The following ICE2 variants were observed in gnomAD, a reference collection of about 807,000 sequenced individuals.
ICE2 encodes little elongation complex subunit 2.
Under a neutral mutation model 105.4 loss-of-function variants are expected in ICE2, and 87 were observed. The observed-to-expected ratio is 0.83, with a 90% CI of 0.69 to 0.99. The LOEUF is 0.99. Ranked by LOEUF, ICE2 falls within the 50% of genes least tolerant of loss-of-function variation. ICE2 has a pLI of 0.00. For missense variants in ICE2, 1,323 were observed against 1,146.7 expected (o/e 1.15, Z -2.22); for synonymous variants, 399 against 392.0 (o/e 1.02, Z -0.21).
In ICE2 at chr15:60,422,593, T is replaced by G. The variant is rs1009084076; in HGVS notation, c.*1041A>C. The G allele has an allele frequency of 6.6e-6, 1 of 152,204 alleles. No homozygotes were observed. The highest frequency in any genetic ancestry group is 1.5e-5 in the Non-Finnish European group (1 of 68,176). 9.4% of individuals were successfully genotyped at this position (152,204 alleles called of 1,614,324 possible). A position where few individuals can be genotyped will look rare whatever the true frequency, so the allele number is the denominator to read the frequency against. On this transcript the variant is annotated 3_prime_UTR_variant, in exon 16 of 16. Transcript: ENST00000261520. ...GGCTTACCCCTGTAATCCCAGCACT[T>G]TGGGAGGCCAAGGCAGGCGGATCAC...
rs1303419963 is a variant in ICE2, at chr15:60,449,487, T to C, written c.1480A>G (p.Lys494Glu). Residue 494 changes from lysine to glutamate, a missense_variant, in exon 10 of 16, where the codon AAG becomes GAG. Lys to Glu is a moderately conservative substitution (Grantham distance 56, BLOSUM62 1). Coordinates refer to ENST00000261520, the MANE Select transcript of ICE2 (RefSeq NM_024611.6). ...AAAGGCTTGTCAGAATTTGATACCT[T>C]TTCACATGATTCAAATCCCTGATCA... Reference protein sequence around the residue: ...KDDQGFESCEKVSNSDKPLIQ... With the variant: ...KDDQGFESCEEVSNSDKPLIQ... 1 of 1,614,074 alleles carries C rather than the reference T, an allele frequency of 6.2e-7. No homozygotes were observed. The highest frequency in any genetic ancestry group is 8.5e-7 in the Non-Finnish European group (1 of 1,180,034).
chr15:60,464,494 C>T (rs2064367474), intron 5 of ICE2, among the ~76,000 whole-genome samples: 1 of 152,138 alleles, frequency 6.6e-6, no homozygotes, highest in Non-Finnish European at 1.5e-5. Context: ...GACATCTGAA[C>T]AGACAGAGAC....
At chr15:60,456,897 A>C (rs1325778830) in intron 5 of ICE2, 103 bp from the exon 6 acceptor site, 6 of 556,670 alleles carry the variant, frequency 1.1e-5, no homozygotes, top group African/African-American at 2.0e-5. Context: ...TGCAAAAATT[A>C]GCCCGATTTC....
chr15:60,468,710 T>C (rs2064498836), intron 3 of ICE2, among the ~76,000 whole-genome samples: 3 of 152,214 alleles, frequency 2.0e-5, no homozygotes, highest in Admixed American at 6.5e-5. Context: ...TCAGTTAATA[T>C]GGTGAATAAA....
At chr15:60,433,547 G>T (rs28550056) in intron 13 of ICE2, among the ~76,000 whole-genome samples, 2 of 151,318 alleles carry the variant, frequency 1.3e-5, no homozygotes, top group African/African-American at 4.9e-5. Flanking sequence ...GTTGAAGTGC[G>T]GTGGCACGAT....
intron 13 of ICE2, among the ~76,000 whole-genome samples, chr15:60,434,559 AC>A (rs1256702543): frequency 3.0e-5 from 4 of 134,440 alleles, no homozygotes; most frequent in African/African-American, 1.0e-4. Context: ...ACACACACAC[AC>A]ACACACAATG....
rs372693696 is a variant in ICE2, at chr15:60,449,733, T to C, written c.1234A>G (p.Lys412Glu). Residue 412 changes from lysine (K) to glutamate (E), a missense_variant, in exon 10 of 16, where the codon AAA becomes GAA. Coordinates refer to ENST00000261520, the MANE Select transcript of ICE2 (RefSeq NM_024611.6). The stretch of plus-strand genomic sequence containing the variant: ...GCTGGACTTGGTGATTTTGATACTT[T>C]GGTGGTGGTTACTCCAAAAGTTTCA... ...ELETFGVTTT[K>E]VSKSPSPAST... 3 of 1,614,192 alleles carry C rather than the reference T, an allele frequency of 1.9e-6. No homozygotes were observed. The highest frequency in any genetic ancestry group is 1.3e-5 in the African/African-American group (1 of 75,054).
intron 12 of ICE2, chr15:60,438,744 C>T (rs2063651983): frequency 6.6e-6 from 1 of 152,210 alleles, no homozygotes; most frequent in African/African-American, 2.4e-5. Context: ...ACAACTCTCT[C>T]AACATTGGAG....
intron 11 of ICE2, chr15:60,442,930 T>C (rs2063749781): frequency 6.4e-6 from 1 of 155,576 alleles, no homozygotes. Flanking sequence ...CTTTTTTATA[T>C]ACTAGTCATT....
Position 60,455,364 on chromosome 15 carries a change from T to C in ICE2, c.745A>G (p.Ile249Val). 2 of 1,613,996 alleles carry C rather than the reference T, an allele frequency of 1.2e-6. No individual in the cohort carries two copies. Among genetic ancestry groups the C allele is most frequent in the Non-Finnish European group, 1.7e-6 (2 of 1,179,908 alleles). ...TCAGCTGTTTGTTCTGACGTTTCAA[T>C]GGTAGCTATATCGTCCTTTGACAGC... ...LQLSKDDIAT[I>V]ETSEQTAEAM... The change falls in exon 7 of 16, where the codon ATT becomes GTT. Residue 249 changes from isoleucine (I) to valine (V), a missense_variant. Ile to Val is a conservative substitution (Grantham distance 29, BLOSUM62 3). Transcript: ENST00000261520.
In ICE2 at chr15:60,471,077, T is replaced by G. The variant is rs183766473; in HGVS notation, c.147-2755A>C. ...AAAATTCCAAAAGATGACAACACTA[T>G]TTTAGAAATATGTAGGTCCCCAAAT... On this transcript the variant is annotated intron_variant, in intron 3 of 15. Coordinates refer to ENST00000261520, the MANE Select transcript of ICE2 (RefSeq NM_024611.6). 8.9e-4 allele frequency among the ~76,000 whole-genome samples: 136 copies of G among 152,244 alleles called. 1 individual carries two copies. The Middle Eastern group carries it at 0.01, about 11-fold the overall frequency.
intron 11 of ICE2, among the ~76,000 whole-genome samples, chr15:60,444,153 A>G (rs1439933561): frequency 6.6e-6 from 1 of 152,152 alleles, no homozygotes; most frequent in Non-Finnish European, 1.5e-5. Flanking sequence ...GCTAGTTTAC[A>G]GCAGAACTGA....
chr15:60,464,959 G>GC (rs1307576497), intron 5 of ICE2, among the ~76,000 whole-genome samples: 4 of 152,140 alleles, frequency 2.6e-5, no homozygotes, highest in Non-Finnish European at 5.9e-5. Flanking sequence ...AGCTAGGATT[G>GC]TGCCACTGCA....
In ICE2 at chr15:60,420,743, T is replaced by G. The variant is rs2063234509; in HGVS notation, c.*2891A>C. 2.6e-5 allele frequency: 4 copies of G among 152,212 alleles called. No individual in the cohort carries two copies. The highest frequency in any genetic ancestry group is 2.6e-4 in the Admixed American group (4 of 15,282). The allele number at this position is 152,212 out of a possible 1,614,324, so 9.4% of individuals were successfully genotyped here. ...AGCTCAAGTTCTATCTCAGAAAACC[T>G]TAACTACCAAGATCTGGTTAGATGA... On this transcript the variant is annotated 3_prime_UTR_variant, in exon 16 of 16. Coordinates refer to ENST00000261520, the MANE Select transcript of ICE2 (RefSeq NM_024611.6).
intron 9 of ICE2, chr15:60,451,155 CA>C: frequency 1.3e-6 from 1 of 759,432 alleles, no homozygotes; most frequent in Non-Finnish European, 1.6e-6. Flanking sequence ...GACAGAGACA[CA>C]ATTATACTAA....
At chr15:60,453,559 A>C in intron 9 of ICE2, 44 bp downstream of exon 9, 1 of 1,594,888 alleles carries the variant, frequency 6.3e-7, no homozygotes, top group Non-Finnish European at 8.5e-7. Flanking sequence ...TCAAAAGGAT[A>C]AACAAGTACA....
chr15:60,429,102 G>A (rs189194676), intron 14 of ICE2, among the ~76,000 whole-genome samples: 33 of 152,254 alleles, frequency 2.2e-4, no homozygotes, highest in African/African-American at 7.2e-4. Context: ...ATACAAAAGT[G>A]AAGGTGATAT....
At chr15:60,458,021 G>A (rs576707640) in intron 5 of ICE2, among the ~76,000 whole-genome samples, 1 of 152,244 alleles carries the variant, frequency 6.6e-6, no homozygotes, top group African/African-American at 2.4e-5. Flanking sequence ...TAAAACTGTG[G>A]TGGATGTTAG....
In ICE2 at chr15:60,420,475, T is replaced by C. The variant is rs1299668966; in HGVS notation, c.*3159A>G. 2 of 152,242 alleles carry C rather than the reference T, an allele frequency of 1.3e-5. No individual in the cohort carries two copies. Among genetic ancestry groups the C allele is most frequent in the East Asian group, 3.8e-4 (2 of 5,196 alleles). 9.4% of individuals were successfully genotyped at this position (152,242 alleles called of 1,614,324 possible). A position where few individuals can be genotyped will look rare whatever the true frequency, so the allele number is the denominator to read the frequency against. ...AATGCCAACAAGAGCCCTTTTCAAA[T>C]ACATATCTGATCATGTCAGTTAATT... is the stretch of plus-strand genomic sequence containing the variant. On this transcript the variant is annotated 3_prime_UTR_variant, in exon 16 of 16. Transcript: ENST00000261520.
Sources: allele counts gnomAD v4.1 joint callset (sites outside exome capture counted in the v4.1 genomes callset), GRCh38; gene constraint gnomAD v4.1.1; transcripts MANE v1.5; gene names NCBI Gene and HGNC (gene_info 2026-07-23, HGNC 2026-07-21).